Variants in KATNAL1 observed in about 807,000 individuals in gnomAD.
KATNAL1 encodes the protein katanin p60 ATPase-containing subunit A-like 1.
KATNAL1 carries 32 observed loss-of-function variants against 55.2 expected under a neutral mutation model. The ratio of observed to expected loss-of-function variants is 0.58; its 90% CI spans 0.44 to 0.78. KATNAL1 has a LOEUF of 0.78. Ranked by LOEUF, KATNAL1 falls within the 30% of genes least tolerant of loss-of-function variation. The pLI is 0.00. For synonymous variants in KATNAL1, 193 were observed against 193.6 expected, an observed-to-expected ratio of 1.00 and a Z score of 0.02; for missense variants, 466 against 600.9, an observed-to-expected ratio of 0.78 and a Z score of 2.35.
In KATNAL1 at chr13:30,203,299, G is replaced by A. The variant is rs1872842608; in HGVS notation, c.*5241C>T. The A allele has an allele frequency of 6.6e-6, 1 of 152,214 alleles. No individual in the cohort carries two copies. Among genetic ancestry groups the A allele is most frequent in the East Asian group, 1.9e-4 (1 of 5,204 alleles). The allele number at this position is 152,214 out of a possible 1,614,324, so 9.4% of individuals were successfully genotyped here. The stretch of plus-strand genomic sequence containing the variant: ...TAATGGGAGGAGGGCAACAGCAGGA[G>A]GGAAGGATGTGCTTAAAAGAAACAA... On this transcript the variant is annotated 3_prime_UTR_variant, in exon 11 of 11. Coordinates refer to ENST00000380615, the MANE Select transcript of KATNAL1 (RefSeq NM_032116.5).
At chr13:30,209,852 G>C (rs1873495973) in intron 10 of KATNAL1, among the ~76,000 whole-genome samples, 1 of 152,044 alleles carries the variant, frequency 6.6e-6, no homozygotes, top group South Asian at 2.1e-4. Context: ...CGCGATCTCG[G>C]CTCACTGCAA....
intron 6 of KATNAL1, 61 bp from the exon 7 acceptor site, chr13:30,231,533 T>C: frequency 1.8e-6 from 2 of 1,110,200 alleles, no homozygotes; most frequent in Non-Finnish European, 1.2e-6. Context: ...TTATAAATTA[T>C]CATCAGCTAT....
chr13:30,252,760 T>G (rs76846505), intron 4 of KATNAL1, among the ~76,000 whole-genome samples: 2,833 of 151,928 alleles, frequency 0.019, 34 homozygotes, highest in Non-Finnish European at 0.031. Context: ...TTTTTTTTTT[T>G]GAGACCAAGT....
At chr13:30,270,443 G>A (rs1038138086) in intron 3 of KATNAL1, among the ~76,000 whole-genome samples, 5 of 152,106 alleles carry the variant, frequency 3.3e-5, no homozygotes, top group Non-Finnish European at 7.4e-5. Flanking sequence ...CATTGAGAAC[G>A]GGCCATGATG....
At chr13:30,274,854 T>C (rs1880633356) in intron 3 of KATNAL1, among the ~76,000 whole-genome samples, 1 of 151,064 alleles carries the variant, frequency 6.6e-6, no homozygotes, top group Non-Finnish European at 1.5e-5. Context: ...AGAAAATGTG[T>C]GCATATATGT....
At chr13:30,232,700 G>A (rs999967087) in intron 6 of KATNAL1, among the ~76,000 whole-genome samples, 1 of 152,056 alleles carries the variant, frequency 6.6e-6, no homozygotes, top group African/African-American at 2.4e-5. Flanking sequence ...GCTGTTTATA[G>A]CTACTGTACG....
chr13:30,292,054 G>A (rs1210871473), intron 1 of KATNAL1, among the ~76,000 whole-genome samples: 1 of 151,898 alleles, frequency 6.6e-6, no homozygotes, highest in Non-Finnish European at 1.5e-5. Flanking sequence ...ATAAAGTTAC[G>A]GTAATCAAGA....
intron 4 of KATNAL1, among the ~76,000 whole-genome samples, chr13:30,244,495 C>T (rs999732340): frequency 1.5e-4 from 23 of 152,250 alleles, no homozygotes; most frequent in African/African-American, 4.8e-4. Context: ...CTTGAGGAAT[C>T]GCCACACTGT....
intron 9 of KATNAL1, among the ~76,000 whole-genome samples, chr13:30,219,645 T>C (rs1372883365): frequency 1.3e-5 from 2 of 152,176 alleles, no homozygotes; most frequent in African/African-American, 4.8e-5. Flanking sequence ...TTAATATAGA[T>C]AAAAGAAAAA....
intron 1 of KATNAL1, among the ~76,000 whole-genome samples, chr13:30,287,600 A>G (rs547323531): frequency 6.6e-6 from 1 of 152,346 alleles, no homozygotes; most frequent in Non-Finnish European, 1.5e-5. Flanking sequence ...TGTCCAGTGG[A>G]TCTATCCACA....
chr13:30,303,123 G>A (rs1882964942), intron 1 of KATNAL1, among the ~76,000 whole-genome samples: 1 of 152,156 alleles, frequency 6.6e-6, no homozygotes, highest in African/African-American at 2.4e-5. Context: ...CTAATGGACA[G>A]AACAAAGTTA....
At position 30,203,863 on chromosome 13, in the gene KATNAL1, A is replaced by T. The variant is rs1220564702; in HGVS notation, c.*4677T>A. On this transcript the variant is annotated 3_prime_UTR_variant, in exon 11 of 11. Transcript: ENST00000380615. ...ATTAAAATACACAATTTCCACATTA[A>T]GAAACAAATATTAAAAGCAAATGTC... 2.6e-5 allele frequency: 4 copies of T among 152,060 alleles called. No individual in the cohort carries two copies. Among genetic ancestry groups the T allele is most frequent in the Non-Finnish European group, 5.9e-5 (4 of 68,028 alleles). 9.4% of individuals were successfully genotyped at this position (152,060 alleles called of 1,614,324 possible). A position where few individuals can be genotyped will look rare whatever the true frequency, so the allele number is the denominator to read the frequency against.
intron 9 of KATNAL1, among the ~76,000 whole-genome samples, chr13:30,223,897 T>A (rs1471199447): frequency 6.6e-6 from 1 of 152,182 alleles, no homozygotes; most frequent in African/African-American, 2.4e-5. Flanking sequence ...TATAACAAGC[T>A]CAGAATAAAC....
chr13:30,215,283 T>C, intron 9 of KATNAL1, among the ~76,000 whole-genome samples: 1 of 152,100 alleles, frequency 6.6e-6, no homozygotes, highest in Non-Finnish European at 1.5e-5. Context: ...CAACAGGTGC[T>C]GGAGAGGATG....
At chr13:30,228,710 G>GT (rs1875766457) in intron 8 of KATNAL1, among the ~76,000 whole-genome samples, 1 of 152,132 alleles carries the variant, frequency 6.6e-6, no homozygotes, top group African/African-American at 2.4e-5. Context: ...ATGAATAACC[G>GT]TGACTGTTTT....
At position 30,286,981 on chromosome 13, in the gene KATNAL1, C is replaced by G. The variant is rs536014185; in HGVS notation, c.-14-3190G>C. On this transcript the variant is annotated intron_variant, in intron 1 of 10. Coordinates refer to ENST00000380615, the MANE Select transcript of KATNAL1 (RefSeq NM_032116.5). ...ATCCCTTTGTTTTAGCCAATTTCTC[C>G]CATTTGGAACAGGTATATTTACCCA... 1.4e-4 allele frequency among the ~76,000 whole-genome samples: 21 copies of G among 152,286 alleles called. 1 individual carries two copies. The South Asian group carries it at 3.7e-3, about 27-fold the overall frequency.
chr13:30,283,877 CTTTTTT>C, intron 1 of KATNAL1, 86 bp from the exon 2 acceptor site: 1 of 695,628 alleles, frequency 1.4e-6, no homozygotes, highest in South Asian at 2.5e-5. Flanking sequence ...TTTAAAACTA[CTTTTTT>C]TTTTTTTTTT....
chr13:30,284,528 C>T (rs1206920329), intron 1 of KATNAL1, among the ~76,000 whole-genome samples: 1 of 151,972 alleles, frequency 6.6e-6, no homozygotes, highest in African/African-American at 2.4e-5. Flanking sequence ...TTCTTGGCCC[C>T]AAGAATAAAA....
intron 3 of KATNAL1, among the ~76,000 whole-genome samples, chr13:30,258,076 G>A (rs936924596): frequency 1.3e-5 from 2 of 152,148 alleles, no homozygotes; most frequent in Non-Finnish European, 2.9e-5. Context: ...ACTTTAGTAG[G>A]ATTACATAGC....
Sources: gnomAD v4.1 joint callset for allele counts (sites outside exome capture counted in the v4.1 genomes callset) on GRCh38, gnomAD v4.1.1 for gene constraint, MANE v1.5 for transcripts, NCBI Gene and HGNC (gene_info 2026-07-23, HGNC 2026-07-21) for gene names.